Variants in RPS6KC1 observed in about 807,000 individuals in gnomAD.
The protein encoded by RPS6KC1 is inactive ribosomal protein S6 kinase delta-1.
RPS6KC1 carries 54 observed loss-of-function variants against 103.8 expected under a neutral mutation model. That is an observed-to-expected ratio of 0.52 (90% CI 0.42 to 0.65). RPS6KC1 has a LOEUF of 0.65. Ranked by LOEUF, RPS6KC1 falls within the 30% of genes least tolerant of loss-of-function variation. RPS6KC1 has a pLI of 0.00. For missense variants in RPS6KC1, 1,151 were observed against 1,253.8 expected (o/e 0.92, Z 1.24); for synonymous variants, 439 against 438.7 (o/e 1.00, Z -0.01).
rs569116278 is a variant in RPS6KC1, at chr1:213,216,380, C to A, written c.1045-14117C>A. 1.1e-3 allele frequency among the ~76,000 whole-genome samples: 173 copies of A among 152,100 alleles called. 2 individuals carry two copies. The highest frequency in any genetic ancestry group is 2.5e-4 in the Non-Finnish European group (17 of 67,982). On this transcript the variant is annotated intron_variant, in intron 8 of 14. Transcript: ENST00000366960. ...ACCCAGATTCATAAAGCAAGTCCTT[C>A]GAGACCTACAAAGAGACTTAGACTC...
chr1:213,136,021 GA>G (rs1283951573), intron 6 of RPS6KC1, among the ~76,000 whole-genome samples: 1 of 152,284 alleles, frequency 6.6e-6, no homozygotes, highest in Non-Finnish European at 1.5e-5. Flanking sequence ...TAGTCCATCT[GA>G]AAAAGAGTGT....
the RPS6KC1 span, among the ~76,000 whole-genome samples, chr1:213,286,968 G>T: frequency 6.8e-4 from 104 of 152,252 alleles, 2 homozygotes; most frequent in East Asian, 0.016. Flanking sequence ...AAATAGTCTG[G>T]GTTCTTTAAC....
At chr1:213,136,887 G>T (rs946029269) in intron 6 of RPS6KC1, among the ~76,000 whole-genome samples, 1 of 152,166 alleles carries the variant, frequency 6.6e-6, no homozygotes, top group Admixed American at 6.5e-5. Context: ...TTTTGGAGAA[G>T]GAGTCTTGCT....
At chr1:213,510,960 G>A in the RPS6KC1 span, among the ~76,000 whole-genome samples, 1 of 152,126 alleles carries the variant, frequency 6.6e-6, no homozygotes, top group Non-Finnish European at 1.5e-5. Flanking sequence ...AAAGATGGGT[G>A]CTTAGTACTC....
At chr1:213,381,024 G>A in the RPS6KC1 span, among the ~76,000 whole-genome samples, 4 of 152,136 alleles carry the variant, frequency 2.6e-5, no homozygotes, top group African/African-American at 7.2e-5. Context: ...ATGACAACTC[G>A]TAGAGCTTGG....
the RPS6KC1 span, among the ~76,000 whole-genome samples, chr1:213,392,554 A>G: frequency 6.6e-6 from 1 of 152,226 alleles, no homozygotes; most frequent in African/African-American, 2.4e-5. Flanking sequence ...CACACATGGA[A>G]TTACAGCTTC....
downstream of RPS6KC1, among the ~76,000 whole-genome samples, chr1:213,275,195 G>T (rs1252171367): frequency 6.6e-6 from 1 of 152,132 alleles, no homozygotes; most frequent in Non-Finnish European, 1.5e-5. Flanking sequence ...ATTTTGTTTA[G>T]CCATTCATCT....
the RPS6KC1 span, among the ~76,000 whole-genome samples, chr1:213,490,574 C>G: frequency 3.3e-5 from 5 of 152,148 alleles, no homozygotes; most frequent in Admixed American, 2.0e-4. Flanking sequence ...ATGGCCCCTT[C>G]TAAAAAGGCC....
the RPS6KC1 span, among the ~76,000 whole-genome samples, chr1:213,655,437 A>G: frequency 1.3e-5 from 2 of 152,222 alleles, no homozygotes; most frequent in Admixed American, 6.5e-5. Context: ...GACATCCAAC[A>G]TAAGATACCT....
chr1:213,375,764 G>A, the RPS6KC1 span, among the ~76,000 whole-genome samples: 31 of 152,262 alleles, frequency 2.0e-4, no homozygotes, highest in Non-Finnish European at 3.7e-4. Flanking sequence ...CAAGACAGGG[G>A]GACCTATGTT....
At chr1:213,612,166 A>C in the RPS6KC1 span, among the ~76,000 whole-genome samples, 1 of 152,186 alleles carries the variant, frequency 6.6e-6, no homozygotes, top group Admixed American at 6.5e-5. Context: ...GACCTACTGA[A>C]TCTGAATCTC....
At chr1:213,672,095 T>C in the RPS6KC1 span, among the ~76,000 whole-genome samples, 7 of 152,302 alleles carry the variant, frequency 4.6e-5, no homozygotes, top group Admixed American at 3.3e-4. Context: ...TCCTCAAAGC[T>C]TCCAGGATGC....
At chr1:213,184,711 G>A (rs914259585) in intron 8 of RPS6KC1, among the ~76,000 whole-genome samples, 4 of 151,922 alleles carry the variant, frequency 2.6e-5, no homozygotes, top group Admixed American at 6.6e-5. Context: ...CATTTGTTTC[G>A]AGAAGTTTTT....
the RPS6KC1 span, chr1:213,819,183 C>A: frequency 6.6e-6 from 1 of 152,238 alleles, no homozygotes; most frequent in Admixed American, 6.5e-5. Context: ...AAGGCTCAAT[C>A]AAGGAATGAA....
At chr1:213,551,492 T>C in the RPS6KC1 span, among the ~76,000 whole-genome samples, 1 of 152,154 alleles carries the variant, frequency 6.6e-6, no homozygotes, top group South Asian at 2.1e-4. Flanking sequence ...GTGTCAGCCA[T>C]CTGGGACTTC....
the RPS6KC1 span, among the ~76,000 whole-genome samples, chr1:213,411,334 G>T: frequency 6.6e-6 from 1 of 152,204 alleles, no homozygotes; most frequent in Non-Finnish European, 1.5e-5. Flanking sequence ...GCATGAAGTT[G>T]TTTCTGAGTT....
rs151004363 is a variant in RPS6KC1, at chr1:213,216,837, T to C, written c.1045-13660T>C. ...TTTCAAACCAACGAGAACAAAGACATAACATACCAGAATCTCTGGGACACA... is the reference window on the plus strand; with the variant it reads ...TTTCAAACCAACGAGAACAAAGACACAACATACCAGAATCTCTGGGACACA... On this transcript the variant is annotated intron_variant, in intron 8 of 14. Transcript: ENST00000366960. 9.2e-3 allele frequency among the ~76,000 whole-genome samples: 1,402 copies of C among 151,596 alleles called. 43 individuals are homozygous for C. Among genetic ancestry groups the C allele is most frequent in the East Asian group, 0.071 (365 of 5,160 alleles).
At chr1:213,455,481 T>A in the RPS6KC1 span, among the ~76,000 whole-genome samples, 1 of 152,230 alleles carries the variant, frequency 6.6e-6, no homozygotes. Flanking sequence ...TACTGAGTTC[T>A]GTCTGGACAA....
the RPS6KC1 span, among the ~76,000 whole-genome samples, chr1:213,301,354 A>T: frequency 6.6e-6 from 1 of 152,226 alleles, no homozygotes; most frequent in African/African-American, 2.4e-5. Flanking sequence ...TAAAAAATTA[A>T]TGTGAAATTT....
Sources: allele counts gnomAD v4.1 joint callset (sites outside exome capture counted in the v4.1 genomes callset), GRCh38; gene constraint gnomAD v4.1.1; transcripts MANE v1.5; gene names NCBI Gene and HGNC (gene_info 2026-07-23, HGNC 2026-07-21).